Variants in COL4A6 observed in about 807,000 individuals in gnomAD.
COL4A6 encodes the protein collagen type IV alpha 6 chain.
A neutral mutation model predicts 126.7 loss-of-function variants in COL4A6; 59 were observed. That is an observed-to-expected ratio of 0.47 (90% CI 0.38 to 0.58). COL4A6 has a LOEUF of 0.58. Among genes scored for constraint, COL4A6 ranks in the 20% least tolerant of loss-of-function variants. The pLI, the probability that COL4A6 is intolerant of heterozygous loss-of-function variation, is 0.00. For missense variants in COL4A6, 1,285 were observed against 1,337.3 expected (o/e 0.96, Z 0.61); for synonymous variants, 547 against 496.6 (o/e 1.10, Z -1.35).
chrX:108,168,210 AC>A (rs1272112878), intron 37 of COL4A6, among the ~76,000 whole-genome samples: 2 of 112,031 alleles, frequency 1.8e-5, no homozygotes, highest in African/African-American at 6.5e-5. Context: ...AGATTTGAAA[AC>A]AAAAGAAAAT....
At chrX:108,391,140 G>A (rs745353967) in intron 2 of COL4A6, among the ~76,000 whole-genome samples, 1 of 111,312 alleles carries the variant, frequency 9.0e-6, no homozygotes, top group Non-Finnish European at 1.9e-5. Context: ...TGCCCCTACT[G>A]GTAGGTGTCT....
intron 3 of COL4A6, among the ~76,000 whole-genome samples, chrX:108,304,545 G>A (rs1194046879): frequency 8.9e-6 from 1 of 111,928 alleles, no homozygotes; most frequent in East Asian, 2.8e-4. Context: ...AGGTTTGGTG[G>A]AGAGGAGGGT....
At chrX:108,234,565 A>G (rs902301970) in intron 3 of COL4A6, among the ~76,000 whole-genome samples, 2 of 112,302 alleles carry the variant, frequency 1.8e-5, no homozygotes, top group African/African-American at 6.5e-5. Flanking sequence ...TGACTATGCC[A>G]TGGTGCAACA....
rs2034578641 is a variant in COL4A6, at chrX:108,178,754, T to A, written c.2445A>T (p.Gly815=). 1.7e-6 allele frequency: 2 copies of A among 1,211,701 alleles called. No individual in the cohort carries two copies. Among genetic ancestry groups the A allele is most frequent in the Admixed American group, 2.2e-5 (1 of 46,076 alleles). Residue 815 remains glycine, a synonymous_variant, in exon 27 of 45, where the codon GGA becomes GGT. Transcript: ENST00000334504. The part of the protein sequence containing the change: ...PGQVGQPGTP[G]SSGPYGIKGK... ...CCTTGATGCCATATGGACCACTAGATCCTGGGGTGCCTGGCTGTCCCACCT... is the reference window on the plus strand; with the variant it reads ...CCTTGATGCCATATGGACCACTAGAACCTGGGGTGCCTGGCTGTCCCACCT...
At chrX:108,408,790 C>T (rs1166286009) in intron 2 of COL4A6, among the ~76,000 whole-genome samples, 1 of 110,310 alleles carries the variant, frequency 9.1e-6, no homozygotes, top group Non-Finnish European at 1.9e-5. Context: ...GGAGAAACCC[C>T]GTCCCTACTA....
intron 3 of COL4A6, among the ~76,000 whole-genome samples, chrX:108,285,031 T>G (rs981907913): frequency 8.9e-6 from 1 of 111,793 alleles, no homozygotes; most frequent in Non-Finnish European, 1.9e-5. Flanking sequence ...AAAACGAAAT[T>G]GTACCTGACA....
At chrX:108,324,419 T>C (rs982346342) in intron 2 of COL4A6, among the ~76,000 whole-genome samples, 6 of 112,179 alleles carry the variant, frequency 5.3e-5, no homozygotes, top group Non-Finnish European at 9.4e-5. Flanking sequence ...GTTCTTAAAA[T>C]AGAAGCCTCT....
Position 108,320,700 on chromosome X carries a change from A to T in COL4A6, c.64-9872T>A, listed in dbSNP as rs1361317369. The stretch of plus-strand genomic sequence containing the variant: ...AAAACAAGACAGTCCTTGGAATATA[A>T]TAAATTTGTCTTGAATTAGCACAGT... On this transcript the variant is annotated intron_variant, in intron 2 of 44. Coordinates refer to ENST00000334504, the MANE Select transcript of COL4A6 (RefSeq NM_033641.4). Among the ~76,000 whole-genome samples, 6 of 112,239 alleles carry T rather than the reference A, an allele frequency of 5.3e-5. No individual in the cohort carries two copies. The East Asian group carries it at 1.7e-3, about 31-fold the overall frequency.
chrX:108,391,955 G>A (rs192138304), intron 2 of COL4A6, among the ~76,000 whole-genome samples: 5 of 111,900 alleles, frequency 4.5e-5, no homozygotes, highest in African/African-American at 1.3e-4. Flanking sequence ...GTTCCTGTTC[G>A]GCCATCTTGC....
intron 3 of COL4A6, among the ~76,000 whole-genome samples, chrX:108,265,829 T>C (rs1477288024): frequency 9.1e-6 from 1 of 110,385 alleles, no homozygotes; most frequent in Non-Finnish European, 1.9e-5. Context: ...TAGAGTGCTA[T>C]GATGAAGAGT....
chrX:108,199,389 G>A (rs185054401), intron 13 of COL4A6, among the ~76,000 whole-genome samples: 2 of 110,597 alleles, frequency 1.8e-5, no homozygotes, highest in Admixed American at 9.6e-5. Context: ...AAGTACCTAC[G>A]AATGTTCCCA....
Position 108,263,403 on chromosome X carries a change from T to C in COL4A6, c.145-42029A>G, listed in dbSNP as rs747428495. 5.4e-5 allele frequency among the ~76,000 whole-genome samples: 6 copies of C among 112,093 alleles called. No homozygotes were observed. In the East Asian group the frequency reaches 1.1e-3, roughly 21 times the overall value. On this transcript the variant is annotated intron_variant, in intron 3 of 44. Coordinates refer to ENST00000334504, the MANE Select transcript of COL4A6 (RefSeq NM_033641.4). Reference sequence around the variant, plus strand: ...AAAACTTTTGTCCTAGAGTACAAGGTTCTGCTCAAAGTTCTCATTCATTTG... The same window carrying C: ...AAAACTTTTGTCCTAGAGTACAAGGCTCTGCTCAAAGTTCTCATTCATTTG...
intron 33 of COL4A6, 145 bp from the exon 34 acceptor site, chrX:108,171,062 T>A: frequency 1.9e-6 from 1 of 531,078 alleles, no homozygotes; most frequent in Non-Finnish European, 3.0e-6. Flanking sequence ...GTTTTCACAT[T>A]AGAAAGGTGC....
intron 2 of COL4A6, among the ~76,000 whole-genome samples, chrX:108,364,581 C>T (rs543945353): frequency 1.8e-5 from 2 of 110,540 alleles, no homozygotes; most frequent in South Asian, 7.9e-4. Flanking sequence ...CACCCACTCC[C>T]CTCCCACCTT....
chrX:108,269,634 C>G (rs1602967607), intron 3 of COL4A6, among the ~76,000 whole-genome samples: 1 of 111,826 alleles, frequency 8.9e-6, no homozygotes, highest in South Asian at 3.8e-4. Flanking sequence ...TTAAGTGAAG[C>G]TCAGTGTCAG....
intron 2 of COL4A6, among the ~76,000 whole-genome samples, chrX:108,335,399 C>T (rs957769246): frequency 8.9e-6 from 1 of 112,026 alleles, no homozygotes; most frequent in Non-Finnish European, 1.9e-5. Context: ...TATTACACAG[C>T]TAATAAACAC....
Position 108,156,889 on chromosome X carries a change from C to A in COL4A6, c.*111G>T, listed in dbSNP as rs186343614. ...CTAGCCCAAATGAGACTCCAATGTA[C>A]AACTTGACAGGCAAAGGGGCTCAGG... On this transcript the variant is annotated 3_prime_UTR_variant, in exon 45 of 45. Coordinates refer to ENST00000334504, the MANE Select transcript of COL4A6 (RefSeq NM_033641.4). 492 of 822,350 alleles carry A rather than the reference C, an allele frequency of 6.0e-4. 2 individuals are homozygous for A. The African/African-American group carries it at 8.7e-3, about 15-fold the overall frequency. The allele number at this position is 822,350 out of a possible 1,213,427, so 67.8% of individuals were successfully genotyped here. A position where few individuals can be genotyped will look rare whatever the true frequency, so the allele number is the denominator to read the frequency against.
At chrX:108,383,777 C>T (rs2040618410) in intron 2 of COL4A6, 1 of 516,100 alleles carries the variant, frequency 1.9e-6, no homozygotes, top group African/African-American at 2.3e-5. Context: ...ATCAGGATTG[C>T]TTTGTATGGA....
chrX:108,340,832 G>A (rs2039543752), intron 2 of COL4A6, among the ~76,000 whole-genome samples: 1 of 54,624 alleles, frequency 1.8e-5, no homozygotes, highest in South Asian at 1.9e-3. Flanking sequence ...TAATCTACTA[G>A]TGGGGTGGGG....
Sources: gnomAD v4.1 joint callset for allele counts (sites outside exome capture counted in the v4.1 genomes callset) on GRCh38, gnomAD v4.1.1 for gene constraint, MANE v1.5 for transcripts, NCBI Gene and HGNC (gene_info 2026-07-23, HGNC 2026-07-21) for gene names.